LMO7: variants seen among roughly 807,000 people sequenced by gnomAD.
LMO7 encodes LIM domain 7.
LMO7 carries 120 observed loss-of-function variants against 206.5 expected under a neutral mutation model. That is an observed-to-expected ratio of 0.58 (90% CI 0.50 to 0.68). LMO7 has a LOEUF of 0.68. LMO7 is among the 30% of genes least tolerant of loss of function. The pLI is 0.00. For missense variants in LMO7, 1,959 were observed against 1,957.9 expected (o/e 1.00, Z -0.01); for synonymous variants, 706 against 681.5 (o/e 1.04, Z -0.56).
At chr13:75,691,220 G>C (rs2041448584) in intron 1 of LMO7, among the ~76,000 whole-genome samples, 1 of 152,198 alleles carries the variant, frequency 6.6e-6, no homozygotes, top group South Asian at 2.1e-4. Context: ...TTCAGGTAAG[G>C]TGAATATAAT....
chr13:75,823,902 G>C, intron 15 of LMO7, 29 bp downstream of exon 15: 4 of 1,574,968 alleles, frequency 2.5e-6, no homozygotes, highest in Non-Finnish European at 3.5e-6. Context: ...TTTATCATCT[G>C]TGGCTCAGAC....
intron 4 of LMO7, among the ~76,000 whole-genome samples, chr13:75,787,861 T>G (rs927616530): frequency 1.7e-4 from 26 of 152,346 alleles, no homozygotes; most frequent in African/African-American, 5.5e-4. Flanking sequence ...GCTTACTTTT[T>G]TTGAGAGAAG....
At chr13:75,782,186 G>A (rs966947416) in intron 4 of LMO7, among the ~76,000 whole-genome samples, 5 of 152,284 alleles carry the variant, frequency 3.3e-5, no homozygotes, top group Admixed American at 3.3e-4. Context: ...AAAGTTTCAT[G>A]TGAAAATTTG....
chr13:75,680,944 A>G (rs1347920782), intron 1 of LMO7, among the ~76,000 whole-genome samples: 3 of 151,498 alleles, frequency 2.0e-5, no homozygotes, highest in Non-Finnish European at 2.9e-5. Context: ...TCCTATGTTC[A>G]TTGGCTGCAT....
rs1356128563 is a variant in LMO7 at position 75,841,987 on chromosome 13, T to A, written c.4031+4T>A. On this transcript the variant is annotated splice_donor_region_variant and intron_variant, in intron 24 of 30. Coordinates refer to ENST00000377534, the MANE Select transcript of LMO7 (RefSeq NM_001306080.2). Reference sequence around the variant, plus strand: ...TCAGAATATACCAGTACAGGAGGTATGTCCCCACAGCCAGAGGGTACAAAG... The same window carrying A: ...TCAGAATATACCAGTACAGGAGGTAAGTCCCCACAGCCAGAGGGTACAAAG... 1 of 1,601,888 alleles carries A rather than the reference T, an allele frequency of 6.2e-7. No homozygotes were observed. The highest frequency in any genetic ancestry group is 1.3e-5 in the African/African-American group (1 of 74,518).
chr13:75,809,202 A>T lies in LMO7; in HGVS notation c.1946+19A>T, dbSNP rs369395380. ...AGAATGGGTAAGTTGTGTGGTTCACAGTAAAAAATCTGTGCGTGTTGTTTG... is the reference window on the plus strand; with the variant it reads ...AGAATGGGTAAGTTGTGTGGTTCACTGTAAAAAATCTGTGCGTGTTGTTTG... On this transcript the variant is annotated intron_variant, in intron 11 of 30. Transcript: ENST00000377534. The T allele has an allele frequency of 3.7e-6, 6 of 1,607,994 alleles. No individual in the cohort carries two copies. The highest frequency in any genetic ancestry group is 5.1e-6 in the Non-Finnish European group (6 of 1,175,102).
intron 2 of LMO7, among the ~76,000 whole-genome samples, chr13:75,715,776 A>G (rs1004036880): frequency 1.3e-5 from 2 of 152,154 alleles, no homozygotes; most frequent in Non-Finnish European, 2.9e-5. Flanking sequence ...GGCTGGTTGC[A>G]CTCTGAAATG....
chr13:75,667,624 G>C (rs1185450610), intron 1 of LMO7, among the ~76,000 whole-genome samples: 1 of 151,850 alleles, frequency 6.6e-6, no homozygotes, highest in African/African-American at 2.4e-5. Context: ...CATTTTTTAT[G>C]GTTTGTATTT....
chr13:75,838,127 T>G lies in LMO7; in HGVS notation c.3395-13T>G. The stretch of plus-strand genomic sequence containing the variant: ...AAAATGAATGACATAGTGTTTATTT[T>G]TTTTTCAACTAGCATCTGAATCCAT... On this transcript the variant is annotated splice_polypyrimidine_tract_variant and intron_variant, in intron 19 of 30. Coordinates refer to ENST00000377534, the MANE Select transcript of LMO7 (RefSeq NM_001306080.2). 1 of 1,518,096 alleles carries G rather than the reference T, an allele frequency of 6.6e-7. No homozygotes were observed. The highest frequency in any genetic ancestry group is 9.1e-7 in the Non-Finnish European group (1 of 1,093,752). 94.0% of individuals were successfully genotyped at this position (1,518,096 alleles called of 1,614,324 possible). A position where few individuals can be genotyped will look rare whatever the true frequency, so the allele number is the denominator to read the frequency against.
At chr13:75,748,296 G>A (rs2047013971) in intron 3 of LMO7, among the ~76,000 whole-genome samples, 1 of 152,104 alleles carries the variant, frequency 6.6e-6, no homozygotes, top group Admixed American at 6.5e-5. Context: ...GAAATAATAG[G>A]AGACTAATAC....
chr13:75,858,031 T>G lies in LMO7; in HGVS notation c.*88T>G, dbSNP rs754345762. ...ATCTATAAATATGTGTTGTATGTCT[T>G]TTTTGCTTTTTTTTTAAAAAAAAGA... is the stretch of plus-strand genomic sequence containing the variant. On this transcript the variant is annotated 3_prime_UTR_variant, in exon 31 of 31. Coordinates refer to ENST00000377534, the MANE Select transcript of LMO7 (RefSeq NM_001306080.2). 2.7e-6 allele frequency: 4 copies of G among 1,502,320 alleles called. No homozygotes were observed. In the African/African-American group the frequency reaches 5.7e-5, roughly 22 times the overall value. 93.1% of individuals were successfully genotyped at this position (1,502,320 alleles called of 1,614,324 possible).
intron 1 of LMO7, among the ~76,000 whole-genome samples, chr13:75,637,336 T>C (rs1435985235): frequency 6.6e-6 from 1 of 151,994 alleles, no homozygotes; most frequent in Non-Finnish European, 1.5e-5. Flanking sequence ...GAGACTGAGA[T>C]CCTAGGATCA....
intron 22 of LMO7, 84 bp from the exon 23 acceptor site, chr13:75,841,025 A>C: frequency 1.2e-6 from 1 of 837,384 alleles, no homozygotes; most frequent in Non-Finnish European, 1.9e-6. Flanking sequence ...TTGAAGGTTT[A>C]GAGATCATAA....
At chr13:75,763,518 G>C (rs1428265216) in intron 4 of LMO7, among the ~76,000 whole-genome samples, 1 of 152,134 alleles carries the variant, frequency 6.6e-6, no homozygotes, top group African/African-American at 2.4e-5. Flanking sequence ...ATTGTAACTT[G>C]TCTGAGAGTG....
At chr13:75,842,992 T>C in intron 25 of LMO7, 76 bp downstream of exon 25, 1 of 921,986 alleles carries the variant, frequency 1.1e-6, no homozygotes, top group Non-Finnish European at 1.8e-6. Flanking sequence ...CATCGATGAT[T>C]TGTAGAACTA....
At chr13:75,842,257 A>G (rs1239849408) in intron 24 of LMO7, among the ~76,000 whole-genome samples, 2 of 151,330 alleles carry the variant, frequency 1.3e-5, no homozygotes, top group African/African-American at 4.9e-5. Context: ...TAGTACCTCT[A>G]CTCTTCCCCT....
At chr13:75,737,842 CAAAA>C (rs768622923) in intron 3 of LMO7, among the ~76,000 whole-genome samples, 4 of 37,740 alleles carry the variant, frequency 1.1e-4, no homozygotes, top group Non-Finnish European at 1.3e-4. Flanking sequence ...AGGAAGCTGC[CAAAA>C]AAAAAAAAAA....
intron 1 of LMO7, among the ~76,000 whole-genome samples, chr13:75,658,239 G>A (rs1049387111): frequency 1.3e-5 from 2 of 151,870 alleles, no homozygotes; most frequent in Non-Finnish European, 2.9e-5. Flanking sequence ...TGGCTTTGAG[G>A]TGTGTCAGAT....
At chr13:75,783,638 TG>T (rs1370242244) in intron 4 of LMO7, among the ~76,000 whole-genome samples, 2 of 152,216 alleles carry the variant, frequency 1.3e-5, no homozygotes, top group Non-Finnish European at 2.9e-5. Flanking sequence ...CATCATTTCC[TG>T]CCACTTTGTA....
Sources: gnomAD v4.1 joint callset for allele counts (sites outside exome capture counted in the v4.1 genomes callset) on GRCh38, gnomAD v4.1.1 for gene constraint, MANE v1.5 for transcripts, NCBI Gene and HGNC (gene_info 2026-07-23, HGNC 2026-07-21) for gene names.